DIDO1: variants seen among roughly 807,000 people sequenced by gnomAD.
DIDO1 encodes the protein death inducer-obliterator 1.
Under a neutral mutation model 99.4 loss-of-function variants are expected in DIDO1, and 16 were observed. The observed-to-expected ratio is 0.16, with a 90% CI of 0.11 to 0.24. DIDO1 has a LOEUF of 0.24. Ranked by LOEUF, DIDO1 falls within the 10% of genes least tolerant of loss-of-function variation. The probability of loss-of-function intolerance (pLI) is 1.00; values close to 1 mark genes in which losing one functional copy is unlikely to be tolerated. For missense variants in DIDO1, 2,996 were observed against 3,014.0 expected (o/e 0.99, Z 0.14); for synonymous variants, 1,366 against 1,239.1 (o/e 1.10, Z -2.15).
At position 62,880,996 on chromosome 20, in the gene DIDO1, G is replaced by T. The variant is rs376034435; in HGVS notation, c.4960C>A (p.Pro1654Thr). Residue 1654 changes from proline (P) to threonine (T), a missense_variant, in exon 16 of 16, where the codon CCT (proline) becomes ACT (threonine). Transcript: ENST00000395343. ...PATVGDSSAR[P>T]ARRVLLPTPP... is the part of the protein sequence containing the mutation. ...GTGGGCAGCAGCACCCTCCGGGCAGGCCTGGCCGAGCTGTCTCCAACCGTG... is the reference window on the plus strand; with the variant it reads ...GTGGGCAGCAGCACCCTCCGGGCAGTCCTGGCCGAGCTGTCTCCAACCGTG... 2.4e-5 allele frequency: 39 copies of T among 1,605,364 alleles called. 1 individual carries two copies. The highest frequency in any genetic ancestry group is 3.3e-4 in the Middle Eastern group (2 of 6,056).
chr20:62,889,519 G>A (rs1010741495), intron 15 of DIDO1: 3 of 985,366 alleles, frequency 3.0e-6, no homozygotes, highest in African/African-American at 3.5e-5. Flanking sequence ...TTCCACCCCG[G>A]TAGGGAGGTG....
At position 62,881,894 on chromosome 20, in the gene DIDO1, C is replaced by A. The variant is rs756705280; in HGVS notation, c.4062G>T (p.Val1354=). 8.1e-6 allele frequency: 13 copies of A among 1,613,424 alleles called. No homozygotes were observed. Among genetic ancestry groups the A allele is most frequent in the Non-Finnish European group, 1.1e-5 (13 of 1,180,046 alleles). The change falls in exon 16 of 16, where the codon GTG becomes GTT. Residue 1354 remains valine (V), a synonymous_variant. Coordinates refer to ENST00000395343, the MANE Select transcript of DIDO1 (RefSeq NM_001193369.2). The surrounding 1 kb of genome is among the most constrained non-coding windows in gnomAD (Gnocchi z 8.3). ...QEPKTTAEDG[V]PAPPLLDPIV... ...TCGGATCTAACAACGGAGGTGCCGG[C>A]ACCCCGTCCTCTGCTGTGGTTTTGG... is the stretch of plus-strand genomic sequence containing the variant.
intron 1 of DIDO1, among the ~76,000 whole-genome samples, chr20:62,937,141 C>G (rs1395127767): frequency 1.3e-5 from 2 of 152,254 alleles, no homozygotes; most frequent in Non-Finnish European, 2.9e-5. Context: ...CACCTCACCC[C>G]TGACTTCAGA....
chr20:62,881,881 A>G lies in DIDO1; in HGVS notation c.4075T>C (p.Leu1359=), dbSNP rs564972806. 247 of 1,613,366 alleles carry G rather than the reference A, an allele frequency of 1.5e-4. No homozygotes were observed. The East Asian group carries it at 5.1e-3, about 34-fold the overall frequency. ...TAEDGVPAPP[L]LDPIVQQFGQ... Reference sequence around the variant, plus strand: ...AACTGCTGGACGATCGGATCTAACAACGGAGGTGCCGGCACCCCGTCCTCT... The same window carrying G: ...AACTGCTGGACGATCGGATCTAACAGCGGAGGTGCCGGCACCCCGTCCTCT... The change falls in exon 16 of 16, where the codon TTG becomes CTG. Residue 1359 remains leucine, a synonymous_variant. Coordinates refer to ENST00000395343, the MANE Select transcript of DIDO1 (RefSeq NM_001193369.2). The surrounding 1 kb of genome is among the most constrained non-coding windows in gnomAD (Gnocchi z 8.3).
At chr20:62,912,783 G>A (rs1442836591) in intron 2 of DIDO1, among the ~76,000 whole-genome samples, 1 of 152,228 alleles carries the variant, frequency 6.6e-6, no homozygotes, top group Non-Finnish European at 1.5e-5. Context: ...CATAATCCCA[G>A]CACTTCGGGA....
intron 4 of DIDO1, among the ~76,000 whole-genome samples, chr20:62,909,454 G>A (rs749727052): frequency 2.0e-5 from 3 of 152,246 alleles, no homozygotes; most frequent in Non-Finnish European, 4.4e-5. Flanking sequence ...TACAAAGCAT[G>A]TAAGCAACAC....
intron 1 of DIDO1, among the ~76,000 whole-genome samples, chr20:62,936,536 C>T (rs1289821602): frequency 1.4e-5 from 2 of 139,094 alleles, no homozygotes; most frequent in Non-Finnish European, 3.1e-5. Flanking sequence ...GCCTGGGCAA[C>T]AAAGTGAGAC....
intron 1 of DIDO1, among the ~76,000 whole-genome samples, chr20:62,937,106 T>G (rs941659994): frequency 2.0e-5 from 3 of 152,218 alleles, no homozygotes; most frequent in African/African-American, 4.8e-5. Flanking sequence ...GTTGTTCAGC[T>G]CGCTTGTAAG....
In DIDO1 at chr20:62,911,826, T is replaced by C. The variant is rs2064949835; in HGVS notation, c.-2-212A>G. Among the ~76,000 whole-genome samples, 1 of 152,196 alleles carries C rather than the reference T, an allele frequency of 6.6e-6. No homozygotes were observed. The highest frequency in any genetic ancestry group is 1.5e-5 in the Non-Finnish European group (1 of 68,040). On this transcript the variant is annotated intron_variant, in intron 2 of 15. Coordinates refer to ENST00000395343, the MANE Select transcript of DIDO1 (RefSeq NM_001193369.2). This position sits in a 1 kb window ranked among gnomAD's most constrained non-coding sequence, Gnocchi z 7.0. ...TTTTAATATAGTTAAACAACTAACG[T>C]TTAGACAAAAATACAGCTAACAAAT... is the stretch of plus-strand genomic sequence containing the variant.
chr20:62,880,169 G>C lies in DIDO1; in HGVS notation c.5787C>G (p.Pro1929=), dbSNP rs542224018. The part of the protein sequence containing the change: ...PPGHFVGPRG[P]HPSQFETARG... ...GGGCAGTTTCAAACTGACTAGGATG[G>C]GGCCCTCTTGGGCCCACGAAATGAC... The change falls in exon 16 of 16, where the codon CCC becomes CCG. Residue 1929 remains proline (P), a synonymous_variant. Transcript: ENST00000395343. 1 of 1,612,332 alleles carries C rather than the reference G, an allele frequency of 6.2e-7. No homozygotes were observed. The highest frequency in any genetic ancestry group is 1.3e-5 in the African/African-American group (1 of 75,010).
chr20:62,886,341 C>T (rs891262105), intron 15 of DIDO1, among the ~76,000 whole-genome samples: 2 of 152,250 alleles, frequency 1.3e-5, no homozygotes, highest in African/African-American at 2.4e-5. Flanking sequence ...GGGCGTACCA[C>T]GTGCAAGCCA....
In DIDO1 at chr20:62,879,611, T is replaced by C; in HGVS notation, c.6345A>G (p.Arg2115=). 1 of 1,604,654 alleles carries C rather than the reference T, an allele frequency of 6.2e-7. No individual in the cohort carries two copies. Among genetic ancestry groups the C allele is most frequent in the South Asian group, 1.1e-5 (1 of 91,072 alleles). ...TCCAGTTTCGGCCGCGCTCGCGCTCTCTCCTCCTGTCCTCGGACGCCCGGC... is the reference window on the plus strand; with the variant it reads ...TCCAGTTTCGGCCGCGCTCGCGCTCCCTCCTCCTGTCCTCGGACGCCCGGC... ...AQGRASEDRR[R]ERERGRNWSR... The change falls in exon 16 of 16, where the codon AGA becomes AGG. Residue 2115 remains arginine, a synonymous_variant. Coordinates refer to ENST00000395343, the MANE Select transcript of DIDO1 (RefSeq NM_001193369.2). The surrounding 1 kb of genome is among the most constrained non-coding windows in gnomAD (Gnocchi z 6.3).
chr20:62,922,155 C>A (rs939715168), intron 1 of DIDO1, among the ~76,000 whole-genome samples: 1 of 148,398 alleles, frequency 6.7e-6, no homozygotes, highest in Non-Finnish European at 1.5e-5. Flanking sequence ...CACACACACA[C>A]AAACAATGCC....
intron 1 of DIDO1, among the ~76,000 whole-genome samples, chr20:62,933,922 T>C (rs564550938): frequency 1.3e-5 from 2 of 152,310 alleles, no homozygotes; most frequent in South Asian, 2.1e-4. Context: ...TTTCTGTTCA[T>C]CTCTTTCAAT....
chr20:62,932,894 G>T lies in DIDO1; in HGVS notation c.-200+4902C>A, dbSNP rs114922905. 3.8e-3 allele frequency among the ~76,000 whole-genome samples: 577 copies of T among 152,254 alleles called. 4 individuals are homozygous for T. The highest frequency in any genetic ancestry group is 0.014 in the African/African-American group (566 of 41,538). ...CAGTGAAGATTCTTTACAGGGTCTG[G>T]GTTCACCAGACACATGGTGTCAGAA... is the stretch of plus-strand genomic sequence containing the variant. On this transcript the variant is annotated intron_variant, in intron 1 of 15. Coordinates refer to the DIDO1 transcript ENST00000266070.
chr20:62,918,566 A>C (rs774299745), intron 1 of DIDO1, among the ~76,000 whole-genome samples: 2 of 152,268 alleles, frequency 1.3e-5, no homozygotes, highest in Non-Finnish European at 2.9e-5. Context: ...CCAGGAAAAG[A>C]GCTCTGACTT....
chr20:62,896,514 C>A lies in DIDO1; in HGVS notation c.2054+17G>T, dbSNP rs758400689. 1.8e-5 allele frequency: 28 copies of A among 1,579,588 alleles called. No homozygotes were observed. Among genetic ancestry groups the A allele is most frequent in the Non-Finnish European group, 2.1e-5 (24 of 1,166,294 alleles). On this transcript the variant is annotated intron_variant, in intron 7 of 15. Coordinates refer to ENST00000395343, the MANE Select transcript of DIDO1 (RefSeq NM_001193369.2). The surrounding 1 kb of genome is among the most constrained non-coding windows in gnomAD (Gnocchi z 4.4). ...CCTTCCATTTTAATGGGTAAGAAAT[C>A]AAGCAGAACAGCCCACCTTTTCCAC...
upstream of DIDO1, chr20:62,929,188 C>A (rs2065297703): frequency 6.6e-6 from 1 of 152,272 alleles, no homozygotes; most frequent in Admixed American, 6.5e-5. Flanking sequence ...GGCCCGTCCT[C>A]TCCAAGAACC....
Position 62,893,767 on chromosome 20 carries a change from C to G in DIDO1, c.3000G>C (p.Lys1000Asn), listed in dbSNP as rs553383247. The change falls in exon 12 of 16, where the codon AAG (lysine) becomes AAC (asparagine). Residue 1000 changes from lysine to asparagine, a missense_variant. Lys to Asn is a moderately conservative substitution (Grantham distance 94). Transcript: ENST00000395343. ...HMVEARQDVPKPVLTSVMVPK... is the reference protein window; with the variant it reads ...HMVEARQDVPNPVLTSVMVPK... ...GCACCATCACAGAAGTCAAGACAGG[C>G]TTCGGCACATCCTGTCTGGCTTCCA... The G allele has an allele frequency of 6.2e-7, 1 of 1,614,226 alleles. No homozygotes were observed. The highest frequency in any genetic ancestry group is 1.1e-5 in the South Asian group (1 of 91,088).
Sources: gnomAD v4.1 joint callset for allele counts (sites outside exome capture counted in the v4.1 genomes callset) on GRCh38, gnomAD v4.1.1 for gene constraint, Gnocchi (gnomAD v3.1) non-coding constraint, MANE v1.5 for transcripts, NCBI Gene and HGNC (gene_info 2026-07-23, HGNC 2026-07-21) for gene names.